The following ABR variants were observed in gnomAD, a reference collection of about 807,000 sequenced individuals.
ABR encodes ABR activator of RhoGEF and GTPase.
Under a neutral mutation model 107.2 loss-of-function variants are expected in ABR, and 35 were observed. The observed-to-expected ratio is 0.33, with a 90% confidence interval of 0.25 to 0.43. The LOEUF (loss-of-function observed/expected upper bound fraction) is 0.43. ABR is among the 20% of genes least tolerant of loss of function. The probability of loss-of-function intolerance (pLI) is 1.00; values close to 1 mark genes in which losing one functional copy is unlikely to be tolerated. For missense variants in ABR, 815 were observed against 1,115.2 expected, an observed-to-expected ratio of 0.73 and a Z score of 3.83; for synonymous variants, 498 against 462.0, an observed-to-expected ratio of 1.08 and a Z score of -1.00.
Position 1,041,690 on chromosome 17 carries a change from G to A in ABR, c.1791+8360C>T, listed in dbSNP as rs1023410209. On this transcript the variant is annotated intron_variant, in intron 16 of 22. Coordinates refer to ENST00000302538, the MANE Select transcript of ABR (RefSeq NM_021962.5). ...GGAGGTTGCAGTGAGCCAAGACTGC[G>A]CCATTACACTCAGCCTGGGCGACAG... Among the ~76,000 whole-genome samples, 7 of 152,232 alleles carry A rather than the reference G, an allele frequency of 4.6e-5. No individual in the cohort carries two copies. In the East Asian group the frequency reaches 5.8e-4, roughly 13 times the overall value.
At chr17:1,040,626 G>A (rs1373410936) in intron 16 of ABR, among the ~76,000 whole-genome samples, 3 of 152,198 alleles carry the variant, frequency 2.0e-5, no homozygotes, top group Non-Finnish European at 1.5e-5. Context: ...GGAGGGGGCT[G>A]CTGGACAAGT....
At chr17:1,143,993 A>T (rs1364714767) in intron 1 of ABR, among the ~76,000 whole-genome samples, 1 of 152,082 alleles carries the variant, frequency 6.6e-6, no homozygotes, top group Admixed American at 6.6e-5. Flanking sequence ...GTAGCTATGA[A>T]TGGCCCCCTT....
At chr17:1,211,141 T>C (rs182198703) in intron 1 of ABR, among the ~76,000 whole-genome samples, 239 of 152,220 alleles carry the variant, frequency 1.6e-3, no homozygotes, top group Non-Finnish European at 2.7e-3. Context: ...TAGCCAGGCG[T>C]GGTGGCAGAC....
At position 1,112,609 on chromosome 17, in the gene ABR, G is replaced by A. The variant is rs542980042; in HGVS notation, c.247-11874C>T. 5.0e-4 allele frequency among the ~76,000 whole-genome samples: 64 copies of A among 128,564 alleles called. No homozygotes were observed. The South Asian group carries it at 0.014, about 28-fold the overall frequency. 84.3% of individuals were successfully genotyped at this position (128,564 alleles called of 152,430 possible). On this transcript the variant is annotated intron_variant, in intron 2 of 22. Transcript: ENST00000302538. The stretch of plus-strand genomic sequence containing the variant: ...CAGACTCTGTCTTGAGGGAGGGAGG[G>A]AGGGAGGAAGGAAGGAAGGAAGAGA...
At chr17:1,013,241 C>T in intron 16 of ABR, 77 bp from the exon 17 acceptor site, 1 of 1,374,068 alleles carries the variant, frequency 7.3e-7, no homozygotes, top group South Asian at 1.2e-5. Flanking sequence ...GTCAGCACTG[C>T]TCAGAGCCAG....
At position 1,146,685 on chromosome 17, in the gene ABR, C is replaced by T. The variant is rs62069430; in HGVS notation, c.62-21318G>A. Among the ~76,000 whole-genome samples, 97 of 144,556 alleles carry T rather than the reference C, an allele frequency of 6.7e-4. 2 individuals carry two copies. Among genetic ancestry groups the T allele is most frequent in the Non-Finnish European group, 6.6e-4 (44 of 66,194 alleles). The allele number at this position is 144,556 out of a possible 152,430, so 94.8% of individuals were successfully genotyped here. A position where few individuals can be genotyped will look rare whatever the true frequency, so the allele number is the denominator to read the frequency against. On this transcript the variant is annotated intron_variant, in intron 1 of 22. Transcript: ENST00000302538. Reference sequence around the variant, plus strand: ...CTGCCACCAGGCCACCACTGCCACACGACACCACTGCCACCATGCCACCAC... The same window carrying T: ...CTGCCACCAGGCCACCACTGCCACATGACACCACTGCCACCATGCCACCAC...
At chr17:1,196,521 C>A (rs1189495914) in intron 1 of ABR, among the ~76,000 whole-genome samples, 1 of 152,096 alleles carries the variant, frequency 6.6e-6, no homozygotes, top group African/African-American at 2.4e-5. Context: ...GGTATTAACT[C>A]TACATCCTGC....
chr17:1,153,799 G>C (rs964453627), intron 1 of ABR: 3 of 210,892 alleles, frequency 1.4e-5, no homozygotes, highest in African/African-American at 8.0e-5. Flanking sequence ...TGGGGGTCCA[G>C]GCACACCTAC....
At chr17:1,149,697 G>A (rs183519329) in intron 1 of ABR, among the ~76,000 whole-genome samples, 1 of 152,306 alleles carries the variant, frequency 6.6e-6, no homozygotes, top group Non-Finnish European at 1.5e-5. Flanking sequence ...GGTTACAGGC[G>A]TGAGGCACTG....
chr17:1,163,539 C>T (rs370000598), intron 1 of ABR, among the ~76,000 whole-genome samples: 4,551 of 88,376 alleles, frequency 0.051, 12 homozygotes, highest in Middle Eastern at 0.19. Context: ...TCGGAGCATC[C>T]AGGTGGGACC....
In ABR at chr17:1,078,476, G is replaced by A. The variant is rs570739733; in HGVS notation, c.700+854C>T. On this transcript the variant is annotated intron_variant, in intron 6 of 22. Coordinates refer to ENST00000302538, the MANE Select transcript of ABR (RefSeq NM_021962.5). This position sits in a 1 kb window ranked among gnomAD's most constrained non-coding sequence, Gnocchi z 7.5. Reference sequence around the variant, plus strand: ...CCGCAGACCCTCTCCCTGGCCTCAGGGCTACTACGTCTGCGGGCACAGCTC... The same window carrying A: ...CCGCAGACCCTCTCCCTGGCCTCAGAGCTACTACGTCTGCGGGCACAGCTC... Among the ~76,000 whole-genome samples the A allele has an allele frequency of 1.3e-3, 192 of 152,152 alleles. 1 individual carries two copies. The highest frequency in any genetic ancestry group is 4.4e-3 in the African/African-American group (182 of 41,516).
Position 1,159,315 on chromosome 17 carries a change from A to AG in ABR, c.61+20351_61+20352insC, listed in dbSNP as rs1318401732. Among the ~76,000 whole-genome samples the AG allele has an allele frequency of 3.1e-4, 30 of 95,400 alleles. 1 individual carries two copies. Among genetic ancestry groups the AG allele is most frequent in the Non-Finnish European group, 5.1e-4 (23 of 44,852 alleles). The allele number at this position is 95,400 out of a possible 152,430, so 62.6% of individuals were successfully genotyped here. On this transcript the variant is annotated intron_variant, in intron 1 of 22. Coordinates refer to ENST00000302538, the MANE Select transcript of ABR (RefSeq NM_021962.5). ...AGAATGCGGTACTCACACACAAGGG[A>AG]AGTAAGAATGCAGTACTCACGCACA...
chr17:1,049,184 T>C (rs1338053660), intron 16 of ABR, among the ~76,000 whole-genome samples: 1 of 152,130 alleles, frequency 6.6e-6, no homozygotes, highest in Non-Finnish European at 1.5e-5. Flanking sequence ...TGTTTTTATT[T>C]ATTTTTATTT....
At chr17:1,079,158 G>A (rs950110668) in intron 6 of ABR, 172 bp downstream of exon 6, 29 of 1,449,798 alleles carry the variant, frequency 2.0e-5, no homozygotes, top group Admixed American at 7.4e-5. Flanking sequence ...GAGTCCTCGC[G>A]TGCGCGCACA....
intron 2 of ABR, among the ~76,000 whole-genome samples, chr17:1,103,953 T>C (rs1428393804): frequency 6.6e-6 from 1 of 152,170 alleles, no homozygotes; most frequent in Admixed American, 6.5e-5. Context: ...TCTTCAGTCT[T>C]TGCAGGGCGT....
intron 4 of ABR, among the ~76,000 whole-genome samples, chr17:1,090,327 C>T (rs1448345795): frequency 6.6e-6 from 1 of 151,748 alleles, no homozygotes; most frequent in Non-Finnish European, 1.5e-5. Context: ...GACCTTCATC[C>T]GAGGGCCGTG....
At chr17:1,016,798 A>G (rs2071200517) in intron 16 of ABR, among the ~76,000 whole-genome samples, 1 of 152,022 alleles carries the variant, frequency 6.6e-6, no homozygotes, top group Non-Finnish European at 1.5e-5. Context: ...CTGCAAACTG[A>G]TTTCCTGAAA....
chr17:1,161,844 A>C (rs7219395), intron 1 of ABR, among the ~76,000 whole-genome samples: 61 of 152,180 alleles, frequency 4.0e-4, no homozygotes, highest in African/African-American at 1.3e-3. Flanking sequence ...TGTGAGCCAC[A>C]GCGCCCGGCC....
In ABR at chr17:1,027,698, G is replaced by A. The variant is rs529446073; in HGVS notation, c.1792-14534C>T. Among the ~76,000 whole-genome samples the A allele has an allele frequency of 1.1e-4, 17 of 152,158 alleles. No homozygotes were observed. The highest frequency in any genetic ancestry group is 3.1e-4 in the African/African-American group (13 of 41,508). The stretch of plus-strand genomic sequence containing the variant: ...GCTGGTGTAGGGGCCTCCAGCTCTC[G>A]GGGGAGGCAGCACTGTAGTCCCCTG... On this transcript the variant is annotated intron_variant, in intron 16 of 22. Coordinates refer to ENST00000302538, the MANE Select transcript of ABR (RefSeq NM_021962.5). The surrounding 1 kb of genome is among the most constrained non-coding windows in gnomAD (Gnocchi z 4.7).
Sources: gnomAD v4.1 joint callset for allele counts (sites outside exome capture counted in the v4.1 genomes callset) on GRCh38, gnomAD v4.1.1 for gene constraint, Gnocchi (gnomAD v3.1) non-coding constraint, MANE v1.5 for transcripts, NCBI Gene and HGNC (gene_info 2026-07-23, HGNC 2026-07-21) for gene names.